Variants in SLC41A2 observed in about 807,000 individuals in gnomAD.
SLC41A2 encodes the protein solute carrier family 41 member 2.
In SLC41A2, 32 loss-of-function variants were observed where a neutral mutation model predicts 58.3. That is an observed-to-expected ratio of 0.55 (90% CI 0.41 to 0.74). SLC41A2 has a LOEUF of 0.74. SLC41A2 is among the 30% of genes least tolerant of loss of function. SLC41A2 has a pLI of 0.00. For synonymous variants in SLC41A2, 190 were observed against 235.0 expected (o/e 0.81, Z 1.75); for missense variants, 514 against 680.6 (o/e 0.76, Z 2.72).
chr12:104,904,805 G>C (rs920169414), intron 3 of SLC41A2, among the ~76,000 whole-genome samples: 4 of 152,158 alleles, frequency 2.6e-5, no homozygotes, highest in African/African-American at 9.7e-5. Flanking sequence ...GGGCTCAGGA[G>C]TGAAGCTGCA....
chr12:104,886,716 G>C (rs1212885811), intron 5 of SLC41A2, among the ~76,000 whole-genome samples: 2 of 151,956 alleles, frequency 1.3e-5, no homozygotes, highest in African/African-American at 2.4e-5. Context: ...TTCAGATTTA[G>C]TGACATGTAT....
chr12:104,859,520 G>A (rs530455398), intron 8 of SLC41A2, among the ~76,000 whole-genome samples: 3 of 152,128 alleles, frequency 2.0e-5, no homozygotes, highest in Non-Finnish European at 4.4e-5. Context: ...CAGTCAAAGA[G>A]GATGAAGGAC....
At chr12:104,852,519 T>C (rs1337857498) in intron 8 of SLC41A2, among the ~76,000 whole-genome samples, 2 of 152,236 alleles carry the variant, frequency 1.3e-5, no homozygotes, top group African/African-American at 4.8e-5. Flanking sequence ...TTATCATTTC[T>C]TTGTTACCAT....
At chr12:104,861,882 T>C (rs1022496754) in intron 7 of SLC41A2, among the ~76,000 whole-genome samples, 2 of 152,242 alleles carry the variant, frequency 1.3e-5, no homozygotes, top group African/African-American at 2.4e-5. Flanking sequence ...ATGTGTCTTA[T>C]TACTGGCAAA....
intron 1 of SLC41A2, among the ~76,000 whole-genome samples, chr12:104,939,884 A>G (rs1477929345): frequency 6.6e-6 from 1 of 152,232 alleles, no homozygotes; most frequent in Non-Finnish European, 1.5e-5. Context: ...ACATACACAC[A>G]TACAGACACA....
At chr12:104,922,875 C>T (rs897354149) in intron 2 of SLC41A2, among the ~76,000 whole-genome samples, 2 of 152,172 alleles carry the variant, frequency 1.3e-5, no homozygotes, top group South Asian at 4.2e-4. Context: ...AGAAGATGAA[C>T]CTCAGAAACT....
At chr12:104,924,383 T>C (rs981902418) in intron 2 of SLC41A2, among the ~76,000 whole-genome samples, 2 of 152,246 alleles carry the variant, frequency 1.3e-5, no homozygotes, top group Non-Finnish European at 2.9e-5. Flanking sequence ...AGTATCTCCA[T>C]ATCCTAAGAC....
At chr12:104,934,814 TGAAAAAG>T (rs2135917909) in intron 1 of SLC41A2, among the ~76,000 whole-genome samples, 1 of 152,318 alleles carries the variant, frequency 6.6e-6, no homozygotes, top group East Asian at 1.9e-4. Context: ...ATGTGGAATC[TGAAAAAG>T]TTGATCTCTT....
At chr12:104,930,166 T>C (rs969836995) in intron 1 of SLC41A2, among the ~76,000 whole-genome samples, 2 of 152,148 alleles carry the variant, frequency 1.3e-5, no homozygotes, top group Admixed American at 1.3e-4. Flanking sequence ...TTTTAACTTT[T>C]CCATGTGATG....
At chr12:104,851,469 G>A (rs1407429204) in intron 8 of SLC41A2, among the ~76,000 whole-genome samples, 4 of 151,890 alleles carry the variant, frequency 2.6e-5, no homozygotes, top group South Asian at 2.1e-4. Flanking sequence ...CTGCAACGTC[G>A]AACTCCTGAG....
At chr12:104,876,420 T>C (rs1251477602) in intron 6 of SLC41A2, among the ~76,000 whole-genome samples, 1 of 152,196 alleles carries the variant, frequency 6.6e-6, no homozygotes, top group African/African-American at 2.4e-5. Context: ...TTAGAACTGC[T>C]TTTGCTGTGT....
chr12:104,886,862 C>CAGAT (rs1298883404), intron 5 of SLC41A2, among the ~76,000 whole-genome samples: 5 of 151,776 alleles, frequency 3.3e-5, no homozygotes, highest in African/African-American at 1.2e-4. Context: ...CCAACAAAAC[C>CAGAT]AGATTTGTTT....
intron 10 of SLC41A2, 56 bp downstream of exon 10, chr12:104,844,416 T>G: frequency 8.6e-7 from 1 of 1,165,540 alleles, no homozygotes; most frequent in Non-Finnish European, 1.1e-6. Context: ...TTTCCACAGT[T>G]GTACTTTTAC....
chr12:104,850,422 C>T (rs7976567), intron 8 of SLC41A2, among the ~76,000 whole-genome samples: 97,774 of 152,080 alleles, frequency 0.64, 31,898 homozygotes, highest in African/African-American at 0.74. Flanking sequence ...TTGAGTAATT[C>T]TGTTCAAAGA....
intron 1 of SLC41A2, among the ~76,000 whole-genome samples, chr12:104,953,161 T>G (rs546629892): frequency 2.0e-5 from 3 of 152,206 alleles, no homozygotes; most frequent in Non-Finnish European, 2.9e-5. Context: ...GAAATAGACT[T>G]GAATAATCTA....
intron 3 of SLC41A2, among the ~76,000 whole-genome samples, chr12:104,897,155 T>C (rs2045330606): frequency 1.3e-5 from 2 of 148,258 alleles, no homozygotes; most frequent in African/African-American, 5.0e-5. Flanking sequence ...TTTTTTTTTT[T>C]TTTTTTTTGA....
At chr12:104,910,961 T>C (rs1255058303) in intron 2 of SLC41A2, among the ~76,000 whole-genome samples, 1 of 152,172 alleles carries the variant, frequency 6.6e-6, no homozygotes, top group African/African-American at 2.4e-5. Context: ...ATAAGAAACA[T>C]TTACCATCTA....
Position 104,844,608 on chromosome 12 carries a change from T to A in SLC41A2, c.1400A>T (p.Lys467Met). The part of the protein sequence containing the change: ...RTFFGPGVNN[K>M]SAQVLLLLVI... The stretch of plus-strand genomic sequence containing the variant: ...TAAAAGCAGTAGAACTTGAGCAGAC[T>A]TATTATTTACTCCTGTAATATAAAA... Residue 467 changes from lysine (K) to methionine (M), a missense_variant, in exon 10 of 11, where the codon AAG becomes ATG. Coordinates refer to ENST00000258538, the MANE Select transcript of SLC41A2 (RefSeq NM_001352171.3). 1 of 1,526,312 alleles carries A rather than the reference T, an allele frequency of 6.6e-7. No homozygotes were observed. The highest frequency in any genetic ancestry group is 1.8e-4 in the Middle Eastern group (1 of 5,498). The allele number at this position is 1,526,312 out of a possible 1,614,324, so 94.5% of individuals were successfully genotyped here. A position where few individuals can be genotyped will look rare whatever the true frequency, so the allele number is the denominator to read the frequency against.
rs531397972 is a variant in SLC41A2, at chr12:104,867,817, C to A, written c.1028-1238G>T. ...TGTTACAGAATGCTACAACCCTTAC[C>A]CCAACTCTTATCTTTGACTGAATTT... On this transcript the variant is annotated intron_variant, in intron 6 of 10. Coordinates refer to ENST00000258538, the MANE Select transcript of SLC41A2 (RefSeq NM_001352171.3). Among the ~76,000 whole-genome samples, 86 of 150,814 alleles carry A rather than the reference C, an allele frequency of 5.7e-4. 3 individuals carry two copies. In the South Asian group the frequency reaches 6.0e-3, roughly 11 times the overall value.
Sources: allele counts gnomAD v4.1 joint callset (sites outside exome capture counted in the v4.1 genomes callset), GRCh38; gene constraint gnomAD v4.1.1; transcripts MANE v1.5; gene names NCBI Gene and HGNC (gene_info 2026-07-23, HGNC 2026-07-21).